The following COLEC10 variants were observed in gnomAD, a reference collection of about 807,000 sequenced individuals.
The protein encoded by COLEC10 is collectin-10.
COLEC10 carries 22 observed loss-of-function variants against 28.4 expected under a neutral mutation model. That is an observed-to-expected ratio of 0.78 (90% confidence interval 0.55 to 1.11). The LOEUF (loss-of-function observed/expected upper bound fraction) is 1.11, where lower values mean the gene tolerates loss of function less well. Ranked by LOEUF, COLEC10 falls within the 50% of genes least tolerant of loss-of-function variation. COLEC10 has a pLI of 0.00. For missense variants in COLEC10, 361 were observed against 344.1 expected (o/e 1.05, Z -0.39); for synonymous variants, 125 against 116.1 (o/e 1.08, Z -0.49).
chr8:118,996,915 C>G (rs1182277955), intron 1 of COLEC10, among the ~76,000 whole-genome samples: 2 of 152,086 alleles, frequency 1.3e-5, no homozygotes, highest in African/African-American at 2.4e-5. Context: ...ACAATCAGCT[C>G]TCACGTGAAC....
chr8:119,032,779 G>A (rs1280816748), intron 2 of COLEC10, among the ~76,000 whole-genome samples: 4 of 152,170 alleles, frequency 2.6e-5, no homozygotes, highest in African/African-American at 9.7e-5. Context: ...GCGGGCGCCT[G>A]TAGTCCCAGC....
chr8:119,106,325 G>C lies in COLEC10; in HGVS notation c.*134G>C. 1 of 834,692 alleles carries C rather than the reference G, an allele frequency of 1.2e-6. No homozygotes were observed. Among genetic ancestry groups the C allele is most frequent in the Non-Finnish European group, 1.9e-6 (1 of 538,172 alleles). The allele number at this position is 834,692 out of a possible 1,614,324, so 51.7% of individuals were successfully genotyped here. On this transcript the variant is annotated 3_prime_UTR_variant, in exon 6 of 6. Transcript: ENST00000332843. ...AGAAAATGCTAAACTGAGGTATGGA[G>C]CCTCCATCATCATGCTCTTTTGTGA...
At chr8:119,028,656 G>A (rs1176099748) in intron 2 of COLEC10, among the ~76,000 whole-genome samples, 1 of 152,160 alleles carries the variant, frequency 6.6e-6, no homozygotes, top group Non-Finnish European at 1.5e-5. Flanking sequence ...TACAATTCAA[G>A]TTGAGATTTG....
chr8:118,992,020 A>T (rs1386005012), upstream of COLEC10, among the ~76,000 whole-genome samples: 3 of 152,106 alleles, frequency 2.0e-5, no homozygotes, highest in Non-Finnish European at 4.4e-5. Flanking sequence ...GCTAGAGTTG[A>T]TAAGAAATTT....
chr8:119,064,254 AGT>A (rs542931644), upstream of COLEC10, among the ~76,000 whole-genome samples: 1,645 of 152,326 alleles, frequency 0.011, 30 homozygotes, highest in African/African-American at 0.037. Flanking sequence ...GATGTAGTAT[AGT>A]ACACATTATA....
intron 1 of COLEC10, among the ~76,000 whole-genome samples, chr8:119,008,658 G>T (rs1021777740): frequency 6.6e-6 from 1 of 150,410 alleles, no homozygotes; most frequent in Non-Finnish European, 1.5e-5. Flanking sequence ...ATACATTAAA[G>T]CAATCGTGTG....
intron 1 of COLEC10, among the ~76,000 whole-genome samples, chr8:119,075,921 G>T (rs1815220738): frequency 2.7e-5 from 2 of 75,064 alleles, no homozygotes; most frequent in Non-Finnish European, 5.3e-5. Flanking sequence ...TTTTTTGTGA[G>T]ACAGAGTCTC....
chr8:118,952,569 G>A, the COLEC10 span, among the ~76,000 whole-genome samples: 5 of 152,204 alleles, frequency 3.3e-5, no homozygotes, highest in African/African-American at 4.8e-5. Context: ...CCTAAAGCCC[G>A]TGCTATTCTG....
At chr8:119,089,625 G>A (rs1815548356) in intron 1 of COLEC10, 55 bp from the exon 2 acceptor site, 1 of 1,381,262 alleles carries the variant, frequency 7.2e-7, no homozygotes, top group African/African-American at 1.4e-5. Context: ...CTGGGAGAAT[G>A]TGCTCATGTT....
intron 2 of COLEC10, among the ~76,000 whole-genome samples, chr8:119,036,017 A>T (rs1439124809): frequency 6.6e-6 from 1 of 152,174 alleles, no homozygotes; most frequent in Non-Finnish European, 1.5e-5. Context: ...AGGCTAAGCA[A>T]AATAGGGGTA....
intron 2 of COLEC10, among the ~76,000 whole-genome samples, chr8:119,044,976 A>G (rs1279925211): frequency 6.6e-6 from 1 of 152,180 alleles, no homozygotes; most frequent in East Asian, 1.9e-4. Context: ...AAGGGAATGA[A>G]TTAGACTATC....
In COLEC10 at chr8:119,106,402, G is replaced by A. The variant is rs1424186494; in HGVS notation, c.*211G>A. 4.0e-6 allele frequency: 2 copies of A among 501,026 alleles called. No individual in the cohort carries two copies. The highest frequency in any genetic ancestry group is 3.6e-6 in the Non-Finnish European group (1 of 280,728). 31.0% of individuals were successfully genotyped at this position (501,026 alleles called of 1,614,324 possible). On this transcript the variant is annotated 3_prime_UTR_variant, in exon 6 of 6. Coordinates refer to ENST00000332843, the MANE Select transcript of COLEC10 (RefSeq NM_006438.5). ...TATTATTGACCCAATAACTCGCCAGGTTACATGGGTCTTGAGAGAGAATTT... is the reference window on the plus strand; with the variant it reads ...TATTATTGACCCAATAACTCGCCAGATTACATGGGTCTTGAGAGAGAATTT...
At chr8:119,036,763 G>A (rs1814395546) in intron 2 of COLEC10, among the ~76,000 whole-genome samples, 2 of 152,188 alleles carry the variant, frequency 1.3e-5, no homozygotes, top group African/African-American at 4.8e-5. Flanking sequence ...TTAAAAAGAT[G>A]CAGGCAGACA....
chr8:119,101,057 G>A (rs1295284420), intron 3 of COLEC10, among the ~76,000 whole-genome samples: 1 of 152,250 alleles, frequency 6.6e-6, no homozygotes, highest in East Asian at 1.9e-4. Flanking sequence ...TGTCCTCAGC[G>A]CATGCAACAT....
intron 1 of COLEC10, among the ~76,000 whole-genome samples, chr8:118,998,273 T>C (rs1362439688): frequency 6.6e-6 from 1 of 152,146 alleles, no homozygotes; most frequent in Non-Finnish European, 1.5e-5. Flanking sequence ...ACAGTAAATA[T>C]TTCAATTATT....
chr8:118,997,926 A>G (rs2130054034), intron 1 of COLEC10, among the ~76,000 whole-genome samples: 1 of 152,336 alleles, frequency 6.6e-6, no homozygotes, highest in Non-Finnish European at 1.5e-5. Flanking sequence ...ACAAGTGGAA[A>G]CAACCTGTTC....
chr8:118,956,395 C>T, the COLEC10 span, among the ~76,000 whole-genome samples: 1 of 152,162 alleles, frequency 6.6e-6, no homozygotes, highest in East Asian at 1.9e-4. Flanking sequence ...TAAGAGAAAA[C>T]TCTCTTAAAC....
In COLEC10 at chr8:119,087,690, T is replaced by A. The variant is rs1815507837; in HGVS notation, c.149-1990T>A. ...CTTTCTGCAACCCCCCTTTTTGCCC[T>A]GAAAAATTTGGCACGGTGCCAAATT... is the stretch of plus-strand genomic sequence containing the variant. On this transcript the variant is annotated intron_variant, in intron 1 of 5. Coordinates refer to ENST00000332843, the MANE Select transcript of COLEC10 (RefSeq NM_006438.5). Among the ~76,000 whole-genome samples, 3 of 152,078 alleles carry A rather than the reference T, an allele frequency of 2.0e-5. No homozygotes were observed. The South Asian group carries it at 6.2e-4, about 31-fold the overall frequency.
chr8:118,954,774 T>G, the COLEC10 span, among the ~76,000 whole-genome samples: 1 of 152,206 alleles, frequency 6.6e-6, no homozygotes, highest in African/African-American at 2.4e-5. Context: ...TTTCAGCCAC[T>G]TCTAAAGCTT....
Sources: allele counts gnomAD v4.1 joint callset (sites outside exome capture counted in the v4.1 genomes callset), GRCh38; gene constraint gnomAD v4.1.1; transcripts MANE v1.5; gene names NCBI Gene and HGNC (gene_info 2026-07-23, HGNC 2026-07-21).